Variants in ANKH observed in about 807,000 individuals in gnomAD.
The protein encoded by ANKH is ANKH inorganic pyrophosphate transport regulator, also known as mineralization regulator ANKH.
A neutral mutation model predicts 49.0 loss-of-function variants in ANKH; 15 were observed. The observed-to-expected ratio is 0.31, with a 90% CI of 0.20 to 0.47. The LOEUF (loss-of-function observed/expected upper bound fraction) is 0.47. ANKH is among the 20% of genes least tolerant of loss of function. The pLI is 1.00. For synonymous variants in ANKH, 273 were observed against 260.0 expected, an observed-to-expected ratio of 1.05 and a Z score of -0.48; for missense variants, 429 against 652.0, an observed-to-expected ratio of 0.66 and a Z score of 3.72.
chr5:14,857,220 T>G (rs537860167), intron 1 of ANKH, among the ~76,000 whole-genome samples: 1 of 152,306 alleles, frequency 6.6e-6, no homozygotes, highest in African/African-American at 2.4e-5. Flanking sequence ...AGGTGAGATC[T>G]TCCCAGATAT....
At chr5:14,718,401 C>CA (rs1737551904) in intron 8 of ANKH, among the ~76,000 whole-genome samples, 1 of 151,284 alleles carries the variant, frequency 6.6e-6, no homozygotes, top group Non-Finnish European at 1.5e-5. Flanking sequence ...TAAGAGGAAA[C>CA]AAAGATAATA....
chr5:14,742,712 G>A (rs553371148), intron 7 of ANKH, among the ~76,000 whole-genome samples: 1 of 152,310 alleles, frequency 6.6e-6, no homozygotes, highest in East Asian at 1.9e-4. Flanking sequence ...GTCTCCCCTT[G>A]AATCACTCAG....
chr5:14,824,920 T>C (rs1741295797), intron 1 of ANKH, among the ~76,000 whole-genome samples: 1 of 151,978 alleles, frequency 6.6e-6, no homozygotes, highest in Non-Finnish European at 1.5e-5. Flanking sequence ...TATTCTAACT[T>C]TGCACAGTGG....
At position 14,709,783 on chromosome 5, in the gene ANKH, T is replaced by G. The variant is rs1266669270; in HGVS notation, c.*1414A>C. On this transcript the variant is annotated 3_prime_UTR_variant, in exon 12 of 12. Transcript: ENST00000284268. ...GTTCATTGATACAATACGTTTCAAC[T>G]GCAGGTATGTTGAGCACACAAGCAA... 1 of 152,670 alleles carries G rather than the reference T, an allele frequency of 6.6e-6. No homozygotes were observed. Among genetic ancestry groups the G allele is most frequent in the Non-Finnish European group, 1.5e-5 (1 of 68,044 alleles). 9.5% of individuals were successfully genotyped at this position (152,670 alleles called of 1,614,324 possible). A position where few individuals can be genotyped will look rare whatever the true frequency, so the allele number is the denominator to read the frequency against.
intron 1 of ANKH, chr5:14,797,913 G>A: frequency 6.2e-7 from 1 of 1,606,502 alleles, no homozygotes; most frequent in Non-Finnish European, 8.5e-7. Flanking sequence ...TTCTCCAGAA[G>A]GATCTGGTTT....
At chr5:14,803,816 T>C (rs1480702361) in intron 1 of ANKH, among the ~76,000 whole-genome samples, 4 of 152,160 alleles carry the variant, frequency 2.6e-5, no homozygotes, top group African/African-American at 9.7e-5. Flanking sequence ...CTATCATGTG[T>C]TACTGGCAAG....
At position 14,871,404 on chromosome 5, in the gene ANKH, C is replaced by A. The variant is rs777376426; in HGVS notation, c.44G>T (p.Arg15Leu). ...PALTHYWPLIRFLVPLGITNI... is the reference protein window; with the variant it reads ...PALTHYWPLILFLVPLGITNI... ...GGTGATGCCCAGGGGCACCAAGAAC[C>A]GGATCAGGGGCCAGTAGTGCGTGAG... The change falls in exon 1 of 12, where the codon CGG (arginine) becomes CTG (leucine). Residue 15 changes from arginine (R) to leucine (L), a missense_variant. Arg to Leu is a moderately radical substitution (Grantham distance 102, BLOSUM62 -2). This residue lies in a region of ANKH where 378 missense variants were observed against 615.3 expected (regional missense o/e 0.61). Coordinates refer to ENST00000284268, the MANE Select transcript of ANKH (RefSeq NM_054027.6). The A allele has an allele frequency of 6.2e-7, 1 of 1,613,472 alleles. No homozygotes were observed. The highest frequency in any genetic ancestry group is 1.1e-5 in the South Asian group (1 of 91,072).
At chr5:14,746,222 GATGCGTC>G (rs1327558068) in intron 6 of ANKH, among the ~76,000 whole-genome samples, 2 of 152,032 alleles carry the variant, frequency 1.3e-5, no homozygotes, top group Non-Finnish European at 1.5e-5. Flanking sequence ...AAACGAGGGG[GATGCGTC>G]ACATTTTACG....
In ANKH at chr5:14,745,011, T is replaced by C. The variant is rs1263210176; in HGVS notation, c.915+859A>G. 2.0e-5 allele frequency among the ~76,000 whole-genome samples: 3 copies of C among 152,180 alleles called. No homozygotes were observed. The highest frequency in any genetic ancestry group is 2.9e-5 in the Non-Finnish European group (2 of 68,022). On this transcript the variant is annotated intron_variant, in intron 7 of 11. Coordinates refer to ENST00000284268, the MANE Select transcript of ANKH (RefSeq NM_054027.6). This position sits in a 1 kb window ranked among gnomAD's most constrained non-coding sequence, Gnocchi z 4.7. ...CAGAGCTGAGCGCTGTGGACACCCC[T>C]GGCCAGGAGGCTTCCTCTCCTCACT...
chr5:14,790,367 A>G (rs1321617279), intron 1 of ANKH, among the ~76,000 whole-genome samples: 1 of 152,256 alleles, frequency 6.6e-6, no homozygotes, highest in Non-Finnish European at 1.5e-5. Flanking sequence ...ATTAAAAGAG[A>G]AAAACACAGA....
intron 1 of ANKH, among the ~76,000 whole-genome samples, chr5:14,861,847 C>CT (rs1465736768): frequency 6.6e-6 from 1 of 152,224 alleles, no homozygotes; most frequent in African/African-American, 2.4e-5. Context: ...TGTAGACTGT[C>CT]TTTTGATAAC....
chr5:14,712,657 C>T (rs1277668599), intron 11 of ANKH, among the ~76,000 whole-genome samples: 4 of 152,238 alleles, frequency 2.6e-5, no homozygotes, highest in East Asian at 1.9e-4. Flanking sequence ...CAAAACTCTT[C>T]AAAGGGACTG....
chr5:14,713,514 C>A lies in ANKH; in HGVS notation c.1265+30G>T. On this transcript the variant is annotated intron_variant, in intron 10 of 11. Coordinates refer to ENST00000284268, the MANE Select transcript of ANKH (RefSeq NM_054027.6). The surrounding 1 kb of genome is among the most constrained non-coding windows in gnomAD (Gnocchi z 4.4). ...ACACAGTATTGAAGTGGCAGAAGGA[C>A]CCACAGCCCCAAACTCCCTGACAAC... 1 of 1,613,416 alleles carries A rather than the reference C, an allele frequency of 6.2e-7. No individual in the cohort carries two copies. Among genetic ancestry groups the A allele is most frequent in the African/African-American group, 1.3e-5 (1 of 75,010 alleles).
chr5:14,730,875 C>T (rs2126446517), intron 8 of ANKH, among the ~76,000 whole-genome samples: 1 of 152,308 alleles, frequency 6.6e-6, no homozygotes, highest in South Asian at 2.1e-4. Context: ...ACTGTAAATA[C>T]TGAAACTGTC....
chr5:14,717,334 C>T (rs368342333), intron 8 of ANKH, among the ~76,000 whole-genome samples: 60 of 152,292 alleles, frequency 3.9e-4, no homozygotes, highest in African/African-American at 1.4e-3. Context: ...AGCCTATGAA[C>T]CTTTCAAAGT....
At chr5:14,868,112 T>C (rs1735706214) in intron 1 of ANKH, among the ~76,000 whole-genome samples, 1 of 152,184 alleles carries the variant, frequency 6.6e-6, no homozygotes, top group Non-Finnish European at 1.5e-5. Context: ...TACAGGCTCT[T>C]TCCTAGCCCC....
At chr5:14,821,992 ATTTTCC>A (rs1741210068) in intron 1 of ANKH, among the ~76,000 whole-genome samples, 1 of 152,190 alleles carries the variant, frequency 6.6e-6, no homozygotes, top group Non-Finnish European at 1.5e-5. Context: ...TTCTGTCAAC[ATTTTCC>A]TTTTCAAGAT....
intron 8 of ANKH, among the ~76,000 whole-genome samples, chr5:14,721,127 GCA>G (rs1356786658): frequency 6.6e-6 from 1 of 152,196 alleles, no homozygotes; most frequent in Non-Finnish European, 1.5e-5. Flanking sequence ...GTGTAGGTGA[GCA>G]CAGTTATGGT....
chr5:14,746,029 G>A, intron 6 of ANKH, 67 bp from the exon 7 acceptor site: 3 of 1,335,684 alleles, frequency 2.2e-6, no homozygotes, highest in Non-Finnish European at 3.2e-6. Context: ...GCTACAGTAG[G>A]TGACGAAGCA....
Sources: allele counts gnomAD v4.1 joint callset (sites outside exome capture counted in the v4.1 genomes callset), GRCh38; gene constraint gnomAD v4.1.1; regional missense constraint gnomAD v4.1.1; non-coding constraint Gnocchi (gnomAD v3.1); transcripts MANE v1.5; gene names NCBI Gene and HGNC (gene_info 2026-07-23, HGNC 2026-07-21).